Variants in GAREM1 observed in about 807,000 individuals in gnomAD.
The protein encoded by GAREM1 is GRB2-associated and regulator of MAPK protein 1.
Under a neutral mutation model 71.3 loss-of-function variants are expected in GAREM1, and 26 were observed. The ratio of observed to expected loss-of-function variants is 0.36; its 90% CI spans 0.27 to 0.51. The LOEUF is 0.51. GAREM1 is among the 20% of genes least tolerant of loss of function. The pLI, the probability that GAREM1 is intolerant of heterozygous loss-of-function variation, is 0.95. For missense variants in GAREM1, 1,026 were observed against 1,103.1 expected, an observed-to-expected ratio of 0.93 and a Z score of 0.99; for synonymous variants, 440 against 433.2, an observed-to-expected ratio of 1.02 and a Z score of -0.20.
chr18:32,372,236 T>C (rs1482159703), intron 2 of GAREM1, among the ~76,000 whole-genome samples: 5 of 152,256 alleles, frequency 3.3e-5, no homozygotes, highest in African/African-American at 4.8e-5. Flanking sequence ...GATTATTATG[T>C]ACTAAGAAGG....
chr18:32,304,635 A>C (rs2047233946), intron 3 of GAREM1, among the ~76,000 whole-genome samples: 1 of 152,218 alleles, frequency 6.6e-6, no homozygotes, highest in South Asian at 2.1e-4. Flanking sequence ...CTTACTAGAC[A>C]CTTGCAAAGT....
chr18:32,445,515 G>A (rs2048778181), intron 1 of GAREM1, among the ~76,000 whole-genome samples: 1 of 152,046 alleles, frequency 6.6e-6, no homozygotes, highest in Admixed American at 6.6e-5. Context: ...AAAAGAGAGA[G>A]AAAATAAAAT....
intron 1 of GAREM1, among the ~76,000 whole-genome samples, chr18:32,469,186 G>A (rs1187172046): frequency 6.6e-6 from 1 of 151,998 alleles, no homozygotes; most frequent in East Asian, 1.9e-4. Context: ...ATAAGAAACA[G>A]AATAAAAACT....
chr18:32,292,057 G>T (rs947664880), intron 3 of GAREM1, among the ~76,000 whole-genome samples: 12 of 152,166 alleles, frequency 7.9e-5, no homozygotes, highest in Non-Finnish European at 1.8e-4. Flanking sequence ...GATCCTTGAG[G>T]AATCACCACA....
At chr18:32,464,846 A>G (rs2048984436) in intron 1 of GAREM1, among the ~76,000 whole-genome samples, 1 of 152,256 alleles carries the variant, frequency 6.6e-6, no homozygotes, top group Non-Finnish European at 1.5e-5. Context: ...GAATGTAAGC[A>G]CCACAAAGAC....
At chr18:32,412,565 A>G in intron 1 of GAREM1, 3 of 1,595,042 alleles carry the variant, frequency 1.9e-6, no homozygotes, top group Non-Finnish European at 2.5e-6. Context: ...CTCCACGACC[A>G]CCACCAAAGT....
chr18:32,457,226 A>ATGTGTGT (rs2048903143), intron 1 of GAREM1, among the ~76,000 whole-genome samples: 1 of 81,926 alleles, frequency 1.2e-5, no homozygotes, highest in Non-Finnish European at 2.4e-5. Context: ...AGAGAGAGAG[A>ATGTGTGT]GTGTGTGTGT....
intron 3 of GAREM1, among the ~76,000 whole-genome samples, 174 bp from the exon 4 acceptor site, chr18:32,288,377 C>T (rs537179408): frequency 6.6e-6 from 1 of 152,216 alleles, no homozygotes; most frequent in African/African-American, 2.4e-5. Context: ...ACAATAACTA[C>T]TATTTGTTCA....
At chr18:32,427,388 G>C (rs916025503) in intron 1 of GAREM1, among the ~76,000 whole-genome samples, 10 of 152,164 alleles carry the variant, frequency 6.6e-5, no homozygotes, top group African/African-American at 2.4e-4. Flanking sequence ...GAAGTAACCA[G>C]CCCCAAATCA....
At chr18:32,322,582 C>T (rs933946849) in intron 2 of GAREM1, among the ~76,000 whole-genome samples, 9 of 152,044 alleles carry the variant, frequency 5.9e-5, no homozygotes, top group Non-Finnish European at 4.4e-5. Context: ...TTTTATTGTC[C>T]TTATTTGTTT....
chr18:32,416,118 A>G (rs1036965081), intron 1 of GAREM1, among the ~76,000 whole-genome samples: 1 of 152,108 alleles, frequency 6.6e-6, no homozygotes, highest in Non-Finnish European at 1.5e-5. Flanking sequence ...GCGATCACTT[A>G]CAATAGCCAC....
rs1182117848 is a variant in GAREM1 at position 32,287,447 on chromosome 18, G to A, written c.1150C>T (p.His384Tyr). ...YARDELTQSF[H>Y]RLSVCVYGNN... ...CCATACACACAGACCGAGAGTCGGT[G>A]GAAGGACTGGGTGAGCTCATCGCGG... The change falls in exon 4 of 6, where the codon CAC (histidine) becomes TAC (tyrosine). Residue 384 changes from histidine to tyrosine, a missense_variant. Coordinates refer to ENST00000269209, the MANE Select transcript of GAREM1 (RefSeq NM_001242409.2). The surrounding 1 kb of genome is among the most constrained non-coding windows in gnomAD (Gnocchi z 5.9). The A allele has an allele frequency of 1.2e-6, 2 of 1,614,112 alleles. No individual in the cohort carries two copies. The highest frequency in any genetic ancestry group is 1.7e-6 in the Non-Finnish European group (2 of 1,180,048).
In GAREM1 at chr18:32,384,650, A is replaced by G. The variant is rs987396048; in HGVS notation, c.262+8245T>C. Among the ~76,000 whole-genome samples the G allele has an allele frequency of 9.9e-5, 15 of 152,182 alleles. No homozygotes were observed. The East Asian group carries it at 1.9e-3, about 20-fold the overall frequency. The stretch of plus-strand genomic sequence containing the variant: ...CAGTATGTCTCCCTAAAAAGTGAGG[A>G]TATTTTCCCTCATACTATAATACAT... On this transcript the variant is annotated intron_variant, in intron 2 of 5. Transcript: ENST00000269209.
chr18:32,290,642 G>GAAAAAA (rs586596), intron 3 of GAREM1, among the ~76,000 whole-genome samples: 2 of 75,640 alleles, frequency 2.6e-5, no homozygotes, highest in African/African-American at 8.4e-5. Context: ...CAGACTGTCT[G>GAAAAAA]AAAAAAAAAA....
intron 2 of GAREM1, among the ~76,000 whole-genome samples, chr18:32,354,979 G>A (rs1392372504): frequency 1.3e-5 from 2 of 152,110 alleles, no homozygotes; most frequent in African/African-American, 4.8e-5. Flanking sequence ...AAATGAGTGA[G>A]GAGGAGAGAT....
At chr18:32,326,868 T>A (rs1330042242) in intron 2 of GAREM1, among the ~76,000 whole-genome samples, 1 of 152,228 alleles carries the variant, frequency 6.6e-6, no homozygotes, top group African/African-American at 2.4e-5. Flanking sequence ...GGTAGGATGG[T>A]TGCTCAGTAA....
chr18:32,277,292 T>A (rs1309082215), intron 4 of GAREM1, among the ~76,000 whole-genome samples: 1 of 152,078 alleles, frequency 6.6e-6, no homozygotes, highest in Non-Finnish European at 1.5e-5. Flanking sequence ...CTTGAAAAAA[T>A]GTGCCTGGGT....
At chr18:32,322,934 A>G (rs1307965717) in intron 2 of GAREM1, among the ~76,000 whole-genome samples, 1 of 152,238 alleles carries the variant, frequency 6.6e-6, no homozygotes, top group Non-Finnish European at 1.5e-5. Flanking sequence ...TTGAGTCCAA[A>G]CTAGAAACTG....
intron 1 of GAREM1, among the ~76,000 whole-genome samples, chr18:32,441,705 C>G (rs1405724097): frequency 6.6e-6 from 1 of 152,156 alleles, no homozygotes; most frequent in Non-Finnish European, 1.5e-5. Flanking sequence ...TGAAAGGGCT[C>G]CTTCTTCGGA....
Sources: gnomAD v4.1 joint callset for allele counts (sites outside exome capture counted in the v4.1 genomes callset) on GRCh38, gnomAD v4.1.1 for gene constraint, Gnocchi (gnomAD v3.1) non-coding constraint, MANE v1.5 for transcripts, NCBI Gene and HGNC (gene_info 2026-07-23, HGNC 2026-07-21) for gene names.